Variants in PTGR1 observed in about 807,000 individuals in gnomAD.
PTGR1 encodes 15-oxoprostaglandin 13-reductase.
A neutral mutation model predicts 37.7 loss-of-function variants in PTGR1; 23 were observed. The ratio of observed to expected loss-of-function variants is 0.61; its 90% CI spans 0.44 to 0.86. The LOEUF (loss-of-function observed/expected upper bound fraction) is 0.86, where lower values mean the gene tolerates loss of function less well. PTGR1 is among the 40% of genes least tolerant of loss of function. The probability of loss-of-function intolerance (pLI) is 0.00; values close to 1 mark genes in which losing one functional copy is unlikely to be tolerated. For missense variants in PTGR1, 351 were observed against 394.3 expected (o/e 0.89, Z 0.93); for synonymous variants, 134 against 140.0 (o/e 0.96, Z 0.30).
Position 111,574,734 on chromosome 9 carries a change from C to A in PTGR1, c.760G>T (p.Gly254Cys). The part of the protein sequence containing the change: ...TYNRTGPLPP[G>C]PPPEIVIYQE... ...GGGATCGTGTGCATGTGCTCATTAC[C>A]TGGGGGAAGTGGGCCGGTTCTGTTA... Residue 254 changes from glycine (G) to cysteine (C), a missense_variant and splice_region_variant, in exon 8 of 10, where the codon GGC (glycine) becomes TGC (cysteine). Transcript: ENST00000407693. The A allele has an allele frequency of 6.2e-7, 1 of 1,609,668 alleles. No individual in the cohort carries two copies. The highest frequency in any genetic ancestry group is 8.5e-7 in the Non-Finnish European group (1 of 1,177,254).
At chr9:111,586,927 TCTC>T (rs1199376022) in intron 4 of PTGR1, among the ~76,000 whole-genome samples, 1 of 151,886 alleles carries the variant, frequency 6.6e-6, no homozygotes, top group Non-Finnish European at 1.5e-5. Flanking sequence ...TTCAAGCAAT[TCTC>T]CTGCCTCAGC....
rs71373753 is a variant in PTGR1, at chr9:111,594,549, CTTTTTTT to C, written c.107-289_107-283del. 2.4e-5 allele frequency among the ~76,000 whole-genome samples: 3 copies of C among 127,208 alleles called. 1 individual carries two copies. The South Asian group carries it at 7.7e-4, about 33-fold the overall frequency. 83.5% of individuals were successfully genotyped at this position (127,208 alleles called of 152,430 possible). ...GCCTGATGCCTTCGTTTTTGGCATT[CTTTTTTT>C]TTTTTTTTTTTTGAGAGGGAGTCTC... On this transcript the variant is annotated intron_variant, in intron 2 of 9. Transcript: ENST00000407693.
intron 2 of PTGR1, among the ~76,000 whole-genome samples, chr9:111,596,031 C>T (rs1829770562): frequency 1.3e-5 from 2 of 152,204 alleles, no homozygotes; most frequent in African/African-American, 4.8e-5. Flanking sequence ...ACATCCTCCC[C>T]ATAGTCTGGT....
At chr9:111,596,926 CAAAAAAAAAAAAA>C (rs71494900) in intron 2 of PTGR1, among the ~76,000 whole-genome samples, 1 of 90,662 alleles carries the variant, frequency 1.1e-5, no homozygotes. Flanking sequence ...GACTCTGTCT[CAAAAAAAAAAAAA>C]AAAAAAAAAG....
downstream of PTGR1, among the ~76,000 whole-genome samples, chr9:111,561,150 A>G (rs12348035): frequency 8.3e-5 from 2 of 24,000 alleles, no homozygotes; most frequent in East Asian, 4.7e-4. Flanking sequence ...AGAGAGAGGG[A>G]GAGAGAGAGA....
intron 9 of PTGR1, among the ~76,000 whole-genome samples, chr9:111,567,274 G>A (rs1436263966): frequency 6.6e-6 from 1 of 152,044 alleles, no homozygotes; most frequent in African/African-American, 2.4e-5. Flanking sequence ...TGCAACCTCC[G>A]CCTCCCAGGT....
intron 9 of PTGR1, among the ~76,000 whole-genome samples, chr9:111,564,671 A>G (rs1465088212): frequency 6.6e-6 from 1 of 152,084 alleles, no homozygotes; most frequent in East Asian, 1.9e-4. Flanking sequence ...AGGAATCTGG[A>G]TAGGGTGGAA....
intron 7 of PTGR1, among the ~76,000 whole-genome samples, chr9:111,578,141 T>A (rs546618963): frequency 7.5e-4 from 114 of 152,288 alleles, no homozygotes; most frequent in South Asian, 1.7e-3. Flanking sequence ...AAAAAAGGCA[T>A]ATATACTTTC....
chr9:111,592,690 T>A, intron 4 of PTGR1: 1 of 470,790 alleles, frequency 2.1e-6, no homozygotes, highest in East Asian at 3.7e-5. Context: ...TTTTTTTTTT[T>A]AGTAATTAAA....
intron 2 of PTGR1, among the ~76,000 whole-genome samples, chr9:111,596,275 T>A (rs1829777094): frequency 6.6e-6 from 1 of 152,208 alleles, no homozygotes; most frequent in African/African-American, 2.4e-5. Context: ...TGTGATTTGC[T>A]TTGACCATGG....
At chr9:111,570,990 G>A (rs1041320722) in intron 8 of PTGR1, among the ~76,000 whole-genome samples, 14 of 152,292 alleles carry the variant, frequency 9.2e-5, no homozygotes, top group African/African-American at 3.4e-4. Flanking sequence ...AGAGGAAGGG[G>A]CCACATGCCA....
rs912361789 is a variant in PTGR1 at position 111,576,498 on chromosome 9, G to A, written c.652-1656C>T. The A allele has an allele frequency of 2.5e-6, 4 of 1,578,686 alleles. No homozygotes were observed. In the African/African-American group the frequency reaches 4.0e-5, roughly 16 times the overall value. ...ACTGCAGTGCAGTTCAAGAGGCTCTGGTTCGGGGAAGAGCTGGATGGAGTA... is the reference window on the plus strand; with the variant it reads ...ACTGCAGTGCAGTTCAAGAGGCTCTAGTTCGGGGAAGAGCTGGATGGAGTA... On this transcript the variant is annotated intron_variant, in intron 7 of 9. Transcript: ENST00000407693.
chr9:111,592,321 C>T (rs1452023351), intron 4 of PTGR1: 1 of 152,258 alleles, frequency 6.6e-6, no homozygotes, highest in Non-Finnish European at 1.5e-5. Flanking sequence ...TTAGAAATTA[C>T]TGATGCACAC....
chr9:111,596,809 C>A (rs892587839), intron 2 of PTGR1, among the ~76,000 whole-genome samples: 1 of 151,220 alleles, frequency 6.6e-6, no homozygotes, highest in Non-Finnish European at 1.5e-5. Flanking sequence ...CACCTGTAAT[C>A]CCAGCTACTC....
rs58142522 is a variant in PTGR1, at chr9:111,592,986, C to CAAAA, written c.153-8_153-5dup. ...CTTCAATCTTTTGGCTGCCACTCTG[C>CAAAA]AAAAAAAAAAAAAAAAAAAAAAAAA... On this transcript the variant is annotated splice_polypyrimidine_tract_variant and splice_region_variant and intron_variant, in intron 3 of 9. Transcript: ENST00000407693. The CAAAA allele has an allele frequency of 5.6e-4, 537 of 960,940 alleles. 2 individuals are homozygous for CAAAA. Among genetic ancestry groups the CAAAA allele is most frequent in the African/African-American group, 3.4e-3 (101 of 29,914 alleles). The allele number at this position is 960,940 out of a possible 1,614,324, so 59.5% of individuals were successfully genotyped here. A position where few individuals can be genotyped will look rare whatever the true frequency, so the allele number is the denominator to read the frequency against.
chr9:111,579,663 GC>G (rs940217378), intron 6 of PTGR1, among the ~76,000 whole-genome samples: 7 of 152,062 alleles, frequency 4.6e-5, no homozygotes, highest in Non-Finnish European at 1.0e-4. Context: ...CTCCTAAAGT[GC>G]CCAGGCTGAT....
At chr9:111,590,016 C>T (rs919428492) in intron 4 of PTGR1, among the ~76,000 whole-genome samples, 1 of 152,162 alleles carries the variant, frequency 6.6e-6, no homozygotes, top group Admixed American at 6.5e-5. Context: ...ATTATAAATA[C>T]TTACAATTTT....
intron 9 of PTGR1, 115 bp from the exon 10 acceptor site, chr9:111,563,346 G>A: frequency 9.4e-7 from 1 of 1,061,258 alleles, no homozygotes; most frequent in Middle Eastern, 2.9e-4. Flanking sequence ...GAAAATAAGA[G>A]ATGGAAGTCC....
intron 7 of PTGR1, among the ~76,000 whole-genome samples, chr9:111,575,609 A>G (rs1829022262): frequency 6.6e-6 from 1 of 152,266 alleles, no homozygotes; most frequent in South Asian, 2.1e-4. Context: ...TTTAGGATCA[A>G]TTGGTTTTCT....
Sources: gnomAD v4.1 joint callset for allele counts (sites outside exome capture counted in the v4.1 genomes callset) on GRCh38, gnomAD v4.1.1 for gene constraint, MANE v1.5 for transcripts, NCBI Gene and HGNC (gene_info 2026-07-23, HGNC 2026-07-21) for gene names.